Variants in IL1RAPL2 observed in about 807,000 individuals in gnomAD.
IL1RAPL2 encodes the protein X-linked interleukin-1 receptor accessory protein-like 2.
In IL1RAPL2, 3 loss-of-function variants were observed where a neutral mutation model predicts 44.1. The observed-to-expected ratio is 0.07, with a 90% CI of 0.03 to 0.18. The LOEUF is 0.18. Ranked by LOEUF, IL1RAPL2 falls within the 10% of genes least tolerant of loss-of-function variation. The pLI, the probability that IL1RAPL2 is intolerant of heterozygous loss-of-function variation, is 1.00. For synonymous variants in IL1RAPL2, 181 were observed against 178.8 expected, an observed-to-expected ratio of 1.01 and a Z score of -0.10; for missense variants, 391 against 496.4, an observed-to-expected ratio of 0.79 and a Z score of 2.02.
intron 2 of IL1RAPL2, among the ~76,000 whole-genome samples, chrX:104,836,767 A>C (rs1009174548): frequency 2.7e-5 from 3 of 111,009 alleles, no homozygotes; most frequent in Non-Finnish European, 5.7e-5. Flanking sequence ...ACACGTGCAA[A>C]GTGTGCAGGT....
chrX:105,005,024 C>A (rs2030916810), intron 2 of IL1RAPL2, among the ~76,000 whole-genome samples: 1 of 109,786 alleles, frequency 9.1e-6, no homozygotes, highest in Non-Finnish European at 1.9e-5. Flanking sequence ...GTTCTATGCT[C>A]ATGCCTTCAG....
intron 5 of IL1RAPL2, among the ~76,000 whole-genome samples, chrX:105,311,311 A>G (rs1483163590): frequency 8.2e-5 from 9 of 109,425 alleles, no homozygotes; most frequent in African/African-American, 3.0e-4. Context: ...GCTTAAGTTT[A>G]TGCCTTCTAT....
chrX:105,137,995 C>T (rs1222724581), intron 2 of IL1RAPL2, among the ~76,000 whole-genome samples: 2 of 111,911 alleles, frequency 1.8e-5, no homozygotes, highest in Admixed American at 1.9e-4. Flanking sequence ...ATCACTTGAG[C>T]CCAGGAGATC....
intron 2 of IL1RAPL2, among the ~76,000 whole-genome samples, chrX:104,676,807 T>C (rs1167341944): frequency 1.8e-5 from 2 of 111,667 alleles, no homozygotes; most frequent in African/African-American, 3.3e-5. Flanking sequence ...TTCTTTTTAT[T>C]CTTTTTTCTC....
intron 2 of IL1RAPL2, among the ~76,000 whole-genome samples, chrX:104,848,413 A>G (rs1377136226): frequency 7.4e-3 from 59 of 7,979 alleles, no homozygotes; most frequent in African/African-American, 0.016. Flanking sequence ...TTATCTGTAT[A>G]TATATATATA....
chrX:105,203,694 T>C (rs1556148686), intron 3 of IL1RAPL2, among the ~76,000 whole-genome samples: 1 of 111,879 alleles, frequency 8.9e-6, no homozygotes, highest in East Asian at 2.8e-4. Context: ...AGTTCTCCTA[T>C]TACTTGACCT....
intron 5 of IL1RAPL2, among the ~76,000 whole-genome samples, chrX:105,321,848 G>C (rs947567046): frequency 8.0e-5 from 9 of 112,738 alleles, no homozygotes; most frequent in Admixed American, 2.8e-4. Flanking sequence ...TGCTACAAAG[G>C]CTATCCAGTA....
intron 10 of IL1RAPL2, 31 bp downstream of exon 10, chrX:105,755,378 G>A (rs751509032): frequency 6.5e-6 from 7 of 1,080,602 alleles, no homozygotes; most frequent in Middle Eastern, 2.5e-4. Context: ...TGTTTAAAAC[G>A]TTCTGTTTCT....
chrX:105,649,361 A>G (rs993413210), intron 6 of IL1RAPL2, among the ~76,000 whole-genome samples: 1 of 111,262 alleles, frequency 9.0e-6, no homozygotes, highest in African/African-American at 3.3e-5. Context: ...AAAGATCCTA[A>G]TGAGCCATTT....
intron 2 of IL1RAPL2, among the ~76,000 whole-genome samples, chrX:104,763,991 TATG>T (rs1023814351): frequency 3.6e-5 from 4 of 112,051 alleles, no homozygotes; most frequent in African/African-American, 1.3e-4. Context: ...AGTCAGGTAA[TATG>T]ATTCCTCCAG....
chrX:104,950,552 G>C (rs1241870230), intron 2 of IL1RAPL2, among the ~76,000 whole-genome samples: 4 of 112,456 alleles, frequency 3.6e-5, no homozygotes, highest in Non-Finnish European at 7.5e-5. Flanking sequence ...GGGCAGTGAC[G>C]GGCGCCCCTC....
chrX:105,767,681 T>C lies in IL1RAPL2; in HGVS notation c.*20T>C. Reference sequence around the variant, plus strand: ...TGGTAGTGAAAAATCTGAATTCCTCTGAACAGCTAGATAAGCATAGAGAAT... The same window carrying C: ...TGGTAGTGAAAAATCTGAATTCCTCCGAACAGCTAGATAAGCATAGAGAAT... On this transcript the variant is annotated 3_prime_UTR_variant, in exon 11 of 11. Transcript: ENST00000372582. 1 of 1,069,902 alleles carries C rather than the reference T, an allele frequency of 9.3e-7. No homozygotes were observed. The highest frequency in any genetic ancestry group is 1.9e-5 in the South Asian group (1 of 51,286). 88.2% of individuals were successfully genotyped at this position (1,069,902 alleles called of 1,213,427 possible).
At chrX:104,966,525 C>A (rs902218128) in intron 2 of IL1RAPL2, among the ~76,000 whole-genome samples, 1 of 111,714 alleles carries the variant, frequency 9.0e-6, no homozygotes, top group Admixed American at 9.5e-5. Flanking sequence ...ACTGAGAATT[C>A]AATTCACTAG....
At chrX:104,993,725 C>T (rs776745357) in intron 2 of IL1RAPL2, among the ~76,000 whole-genome samples, 5 of 111,441 alleles carry the variant, frequency 4.5e-5, no homozygotes, top group African/African-American at 1.3e-4. Flanking sequence ...ATCCTCACTA[C>T]ACAACTCTAT....
chrX:105,421,043 C>T (rs1333770278), intron 5 of IL1RAPL2, among the ~76,000 whole-genome samples: 1 of 112,008 alleles, frequency 8.9e-6, no homozygotes, highest in Non-Finnish European at 1.9e-5. Context: ...ACCTGTGACA[C>T]AGCCTTAGCG....
intron 2 of IL1RAPL2, among the ~76,000 whole-genome samples, chrX:104,973,601 C>A (rs1448606279): frequency 1.8e-5 from 2 of 111,954 alleles, no homozygotes; most frequent in Admixed American, 9.5e-5. Flanking sequence ...GGTAATTTCA[C>A]AAATTAATAC....
intron 2 of IL1RAPL2, among the ~76,000 whole-genome samples, chrX:104,798,119 A>G (rs757924954): frequency 1.8e-5 from 2 of 111,859 alleles, no homozygotes; most frequent in East Asian, 5.6e-4. Context: ...TTTAGATTTA[A>G]AATATTTAAA....
At chrX:104,585,897 A>G (rs773467936) in intron 1 of IL1RAPL2, among the ~76,000 whole-genome samples, 2 of 111,077 alleles carry the variant, frequency 1.8e-5, no homozygotes, top group African/African-American at 3.3e-5. Flanking sequence ...TAGTGGTGCA[A>G]TGAACATGCG....
At chrX:104,607,520 G>T (rs1278983653) in intron 1 of IL1RAPL2, among the ~76,000 whole-genome samples, 1 of 111,611 alleles carries the variant, frequency 9.0e-6, no homozygotes, top group African/African-American at 3.3e-5. Flanking sequence ...AATCTACAAA[G>T]AATTTAAACA....
Sources: allele counts gnomAD v4.1 joint callset (sites outside exome capture counted in the v4.1 genomes callset), GRCh38; gene constraint gnomAD v4.1.1; transcripts MANE v1.5; gene names NCBI Gene and HGNC (gene_info 2026-07-23, HGNC 2026-07-21).